Variants in CACHD1 observed in about 807,000 individuals in gnomAD.
The protein encoded by CACHD1 is VWFA and cache domain-containing protein 1.
Under a neutral mutation model 138.7 loss-of-function variants are expected in CACHD1, and 71 were observed. That is an observed-to-expected ratio of 0.51 (90% confidence interval 0.42 to 0.62). CACHD1 has a LOEUF of 0.62. Among genes scored for constraint, CACHD1 ranks in the 20% least tolerant of loss-of-function variants. CACHD1 has a pLI of 0.00. For missense variants in CACHD1, 1,389 were observed against 1,625.3 expected (o/e 0.85, Z 2.50); for synonymous variants, 578 against 591.5 (o/e 0.98, Z 0.33).
At chr1:64,654,637 C>A in intron 11 of CACHD1, 49 bp from the exon 12 acceptor site, 1 of 1,415,830 alleles carries the variant, frequency 7.1e-7, no homozygotes, top group African/African-American at 1.4e-5. Flanking sequence ...TAATTAAGTG[C>A]TTAATTTTAT....
rs144669889 is a variant in CACHD1 at position 64,691,391 on chromosome 1, G to T, written c.3655G>T (p.Gly1219Trp). The change falls in exon 27 of 27, where the codon GGG becomes TGG. Residue 1219 changes from glycine to tryptophan, a missense_variant. This residue lies in a region of CACHD1 where 78 missense variants were observed against 76.9 expected (regional missense o/e 1.01). Transcript: ENST00000651257. Reference sequence around the variant, plus strand: ...ATGCAACAATGACCCCTTGTCAGCCGGGGTCGATGTGGGAAACCATGATGA... The same window carrying T: ...ATGCAACAATGACCCCTTGTCAGCCTGGGTCGATGTGGGAAACCATGATGA... ...PPCNNDPLSA[G>W]VDVGNHDEDL... The T allele has an allele frequency of 2.4e-5, 38 of 1,613,942 alleles. No individual in the cohort carries two copies. The highest frequency in any genetic ancestry group is 2.7e-5 in the Non-Finnish European group (32 of 1,180,026).
intron 13 of CACHD1, among the ~76,000 whole-genome samples, chr1:64,661,926 C>T (rs776656393): frequency 1.3e-5 from 2 of 152,080 alleles, no homozygotes; most frequent in East Asian, 1.9e-4. Flanking sequence ...TGGATTGAAA[C>T]GTAATCCTGG....
At chr1:64,658,638 A>G in intron 12 of CACHD1, 67 bp from the exon 13 acceptor site, 4 of 1,213,796 alleles carry the variant, frequency 3.3e-6, no homozygotes. Flanking sequence ...AAAATAATGT[A>G]TGCAAAGTCC....
chr1:64,616,103 C>T (rs943718117), intron 4 of CACHD1, among the ~76,000 whole-genome samples: 1 of 152,130 alleles, frequency 6.6e-6, no homozygotes, highest in Non-Finnish European at 1.5e-5. Context: ...CTGTATTCTG[C>T]CTACTGACAC....
chr1:64,635,524 C>T (rs1298074341), intron 7 of CACHD1, among the ~76,000 whole-genome samples: 2 of 151,344 alleles, frequency 1.3e-5, no homozygotes, highest in Admixed American at 1.3e-4. Context: ...GCTGGGATTA[C>T]AGGCATGTGC....
In CACHD1 at chr1:64,470,496, T is replaced by C. The variant is rs1646136224; in HGVS notation, c.-249T>C. Among the ~76,000 whole-genome samples the C allele has an allele frequency of 6.6e-6, 1 of 150,830 alleles. No homozygotes were observed. The highest frequency in any genetic ancestry group is 2.1e-4 in the South Asian group (1 of 4,794). On this transcript the variant is annotated 5_prime_UTR_variant, in exon 1 of 27. Coordinates refer to ENST00000651257, the MANE Select transcript of CACHD1 (RefSeq NM_020925.4). The surrounding 1 kb of genome is among the most constrained non-coding windows in gnomAD (Gnocchi z 5.2). Reference sequence around the variant, plus strand: ...CGCGGGGCCCGTGTGGGCGCCGGGCTCCGGGGACCGCTCGGGCGGCCGCCT... The same window carrying C: ...CGCGGGGCCCGTGTGGGCGCCGGGCCCCGGGGACCGCTCGGGCGGCCGCCT...
chr1:64,491,902 T>C (rs1316673579), intron 1 of CACHD1, among the ~76,000 whole-genome samples: 1 of 152,150 alleles, frequency 6.6e-6, no homozygotes, highest in East Asian at 1.9e-4. Flanking sequence ...ATTACAAGTG[T>C]GAGCCACTGC....
intron 1 of CACHD1, among the ~76,000 whole-genome samples, chr1:64,482,412 T>C (rs1003829261): frequency 2.0e-5 from 3 of 152,246 alleles, no homozygotes; most frequent in Non-Finnish European, 4.4e-5. Context: ...TCCATAACTT[T>C]GCTTGGTGGT....
chr1:64,600,934 G>A (rs959332126), intron 3 of CACHD1, among the ~76,000 whole-genome samples: 1 of 152,136 alleles, frequency 6.6e-6, no homozygotes, highest in Non-Finnish European at 1.5e-5. Flanking sequence ...AAATAAAATA[G>A]AAAATTTAGT....
chr1:64,649,166 C>T (rs1649009422), intron 9 of CACHD1, among the ~76,000 whole-genome samples: 1 of 152,056 alleles, frequency 6.6e-6, no homozygotes, highest in East Asian at 1.9e-4. Flanking sequence ...CATTCTCTTT[C>T]TATAAGGAAG....
intron 4 of CACHD1, among the ~76,000 whole-genome samples, chr1:64,607,355 A>C (rs112739495): frequency 1.3e-5 from 2 of 152,274 alleles, no homozygotes; most frequent in African/African-American, 4.8e-5. Context: ...GGGTCCAGAA[A>C]ACCAGCCATA....
intron 12 of CACHD1, among the ~76,000 whole-genome samples, chr1:64,657,689 C>T (rs1463157717): frequency 6.6e-6 from 1 of 152,164 alleles, no homozygotes; most frequent in East Asian, 1.9e-4. Context: ...CTCACAAATC[C>T]TAAATTTCAC....
At chr1:64,546,292 C>T (rs1448532912) in intron 1 of CACHD1, among the ~76,000 whole-genome samples, 1 of 152,066 alleles carries the variant, frequency 6.6e-6, no homozygotes, top group African/African-American at 2.4e-5. Context: ...AAGGATCAGA[C>T]CTGTCATGAT....
chr1:64,540,264 C>CT (rs907248064), intron 1 of CACHD1, among the ~76,000 whole-genome samples: 64 of 149,226 alleles, frequency 4.3e-4, no homozygotes, highest in African/African-American at 1.1e-3. Flanking sequence ...TAAATACCTC[C>CT]TTTTTTTTTT....
intron 15 of CACHD1, 39 bp from the exon 16 acceptor site, chr1:64,666,013 TAAATA>T: frequency 8.2e-7 from 1 of 1,217,106 alleles, no homozygotes; most frequent in Non-Finnish European, 1.2e-6. Context: ...TCAAAAAAAA[TAAATA>T]AAAAATAAAA....
intron 1 of CACHD1, among the ~76,000 whole-genome samples, chr1:64,493,758 C>T (rs879277493): frequency 6.6e-6 from 1 of 152,190 alleles, no homozygotes; most frequent in Non-Finnish European, 1.5e-5. Context: ...TCCTCCCTGC[C>T]ACACACACCT....
intron 3 of CACHD1, 96 bp from the exon 4 acceptor site, chr1:64,602,710 G>A (rs1026884179): frequency 5.1e-6 from 4 of 778,890 alleles, no homozygotes; most frequent in Non-Finnish European, 6.8e-6. Flanking sequence ...TACTGTTTAC[G>A]GGCTGACCTA....
intron 1 of CACHD1, among the ~76,000 whole-genome samples, chr1:64,546,066 G>A (rs1329556913): frequency 2.0e-5 from 3 of 152,196 alleles, no homozygotes; most frequent in African/African-American, 7.2e-5. Context: ...GGGCTGGGCA[G>A]TATCTTTGGC....
chr1:64,518,773 G>A (rs902609604), intron 1 of CACHD1, among the ~76,000 whole-genome samples: 13 of 152,172 alleles, frequency 8.5e-5, no homozygotes, highest in Admixed American at 1.3e-4. Context: ...TGCTTGAGAA[G>A]GGAAAGAGGA....
Sources: gnomAD v4.1 joint callset for allele counts (sites outside exome capture counted in the v4.1 genomes callset) on GRCh38, gnomAD v4.1.1 for gene constraint, gnomAD v4.1.1 regional missense constraint, Gnocchi (gnomAD v3.1) non-coding constraint, MANE v1.5 for transcripts, NCBI Gene and HGNC (gene_info 2026-07-23, HGNC 2026-07-21) for gene names.